Variants in PNPLA7 observed in about 807,000 individuals in gnomAD.
The protein encoded by PNPLA7 is patatin-like phospholipase domain-containing protein 7.
PNPLA7 carries 153 observed loss-of-function variants against 161.7 expected under a neutral mutation model. The observed-to-expected ratio is 0.95, with a 90% CI of 0.83 to 1.08. The LOEUF (loss-of-function observed/expected upper bound fraction) is 1.08. Ranked by LOEUF, PNPLA7 falls within the 50% of genes least tolerant of loss-of-function variation. PNPLA7 has a pLI of 0.00. For missense variants in PNPLA7, 1,739 were observed against 1,856.6 expected (o/e 0.94, Z 1.16); for synonymous variants, 809 against 782.1 (o/e 1.03, Z -0.57).
intron 20 of PNPLA7, 84 bp downstream of exon 20, chr9:137,492,929 G>T: frequency 8.1e-7 from 1 of 1,242,156 alleles, no homozygotes; most frequent in Non-Finnish European, 1.1e-6. Flanking sequence ...TGGGCTGGGA[G>T]GGCGGGGCCA....
intron 8 of PNPLA7, among the ~76,000 whole-genome samples, chr9:137,530,512 G>A (rs1564358876): frequency 1.3e-5 from 2 of 152,288 alleles, no homozygotes; most frequent in African/African-American, 2.4e-5. Context: ...AGAAGAAAAC[G>A]AAAAAGCAGG....
At chr9:137,526,614 A>G (rs577974556) in intron 8 of PNPLA7, among the ~76,000 whole-genome samples, 1 of 152,252 alleles carries the variant, frequency 6.6e-6, no homozygotes, top group Non-Finnish European at 1.5e-5. Context: ...GAATTGTTCT[A>G]GAATATTGAA....
intron 10 of PNPLA7, 65 bp downstream of exon 10, chr9:137,521,571 C>A (rs1276506778): frequency 7.1e-6 from 11 of 1,547,256 alleles, no homozygotes; most frequent in Admixed American, 5.3e-5. Context: ...CCGTGCCAAC[C>A]AATAGCTGTC....
chr9:137,498,081 T>C (rs1256819062), intron 17 of PNPLA7, 33 bp downstream of exon 17: 2 of 1,599,366 alleles, frequency 1.3e-6, no homozygotes, highest in Non-Finnish European at 8.6e-7. Flanking sequence ...CAGGGCAGCA[T>C]GGATGCGGAG....
At chr9:137,504,188 A>G (rs960392864) in intron 14 of PNPLA7, among the ~76,000 whole-genome samples, 3 of 106,744 alleles carry the variant, frequency 2.8e-5, no homozygotes, top group Admixed American at 2.5e-4. Flanking sequence ...GGAAGAAGGA[A>G]GAAGAAGAGG....
intron 20 of PNPLA7, among the ~76,000 whole-genome samples, chr9:137,485,056 C>T (rs1832405728): frequency 6.6e-6 from 1 of 152,228 alleles, no homozygotes; most frequent in Non-Finnish European, 1.5e-5. Flanking sequence ...ATGTGGCTGC[C>T]TAGGCCTCAC....
At position 137,462,304 on chromosome 9, in the gene PNPLA7, G is replaced by A. The variant is rs201477042; in HGVS notation, c.3520C>T (p.Arg1174Cys). 4.3e-6 allele frequency: 7 copies of A among 1,609,608 alleles called. No individual in the cohort carries two copies. The highest frequency in any genetic ancestry group is 1.7e-4 in the Middle Eastern group (1 of 6,040). ...CGCACGCAACACACGTAGGCCAGGC[G>A]CGTCTGAATCTCTGCCATGTTCAAC... ...KVLNMAEIQT[R>C]LAYVCCVRQL... The change falls in exon 31 of 35, where the codon CGC becomes TGC. Residue 1174 changes from arginine to cysteine, a missense_variant. Arg to Cys is a radical substitution (Grantham distance 180). Transcript: ENST00000406427.
At chr9:137,508,384 G>A (rs1461228786) in intron 12 of PNPLA7, among the ~76,000 whole-genome samples, 2 of 151,756 alleles carry the variant, frequency 1.3e-5, no homozygotes, top group Non-Finnish European at 2.9e-5. Context: ...TGGCTAACAC[G>A]GTGAAACCCC....
rs939431056 is a variant in PNPLA7, at chr9:137,499,170, G to A, written c.1758-925C>T. Among the ~76,000 whole-genome samples, 1 of 146,614 alleles carries A rather than the reference G, an allele frequency of 6.8e-6. No individual in the cohort carries two copies. The highest frequency in any genetic ancestry group is 2.5e-5 in the African/African-American group (1 of 39,466). On this transcript the variant is annotated intron_variant, in intron 16 of 34. Coordinates refer to ENST00000406427, the MANE Select transcript of PNPLA7 (RefSeq NM_001098537.3). This position sits in a 1 kb window ranked among gnomAD's most constrained non-coding sequence, Gnocchi z 5.5. ...GAGACAGAGACACTCGCAGACACAC[G>A]GACACACGGAGACACACGGACACAG...
At chr9:137,535,949 G>C (rs1163689631) in intron 8 of PNPLA7, among the ~76,000 whole-genome samples, 1 of 151,704 alleles carries the variant, frequency 6.6e-6, no homozygotes. Context: ...TCAGGAGATC[G>C]AGACCATCCT....
At chr9:137,517,239 T>C (rs62644214) in intron 11 of PNPLA7, among the ~76,000 whole-genome samples, 17 of 38,254 alleles carry the variant, frequency 4.4e-4, no homozygotes, top group South Asian at 2.3e-3. Flanking sequence ...ACTCCATCCC[T>C]CACTCACTCA....
rs201780927 is a variant in PNPLA7 at position 137,480,348 on chromosome 9, G to A, written c.2544C>T (p.Ile848=). ...RCVRQADCIL[I]VGLGDQEPTV... ...TGGGCTCCTGGTCACCCAGGCCCAC[G>A]ATGAGGATGCAGTCGGCCTGGCGCA... The change falls in exon 23 of 35, where the codon ATC becomes ATT. Residue 848 remains isoleucine (I), a synonymous_variant. Coordinates refer to ENST00000406427, the MANE Select transcript of PNPLA7 (RefSeq NM_001098537.3). 6.9e-5 allele frequency: 112 copies of A among 1,613,328 alleles called. 2 individuals are homozygous for A. Among genetic ancestry groups the A allele is most frequent in the Admixed American group, 5.7e-4 (34 of 60,016 alleles).
intron 15 of PNPLA7, 26 bp downstream of exon 15, chr9:137,501,624 G>A: frequency 6.2e-7 from 1 of 1,603,814 alleles, no homozygotes; most frequent in Non-Finnish European, 8.5e-7. Flanking sequence ...GGTGGTCCCA[G>A]TGCCCCCCCC....
chr9:137,471,327 A>G (rs760149128), intron 25 of PNPLA7, among the ~76,000 whole-genome samples: 1 of 152,232 alleles, frequency 6.6e-6, no homozygotes, highest in Non-Finnish European at 1.5e-5. Flanking sequence ...ATGGCCGGGC[A>G]CAGTGGCTCA....
chr9:137,492,960 C>G, intron 20 of PNPLA7, 53 bp downstream of exon 20: 1 of 1,564,942 alleles, frequency 6.4e-7, no homozygotes, highest in Admixed American at 1.7e-5. Context: ...GGGCGGGGCT[C>G]CAGGACTGGG....
chr9:137,532,168 G>A (rs751484456), intron 8 of PNPLA7, among the ~76,000 whole-genome samples: 1 of 152,258 alleles, frequency 6.6e-6, no homozygotes, highest in South Asian at 2.1e-4. Context: ...CAGGCACGGT[G>A]GTTCACACCT....
At position 137,541,607 on chromosome 9, in the gene PNPLA7, G is replaced by T; in HGVS notation, c.667-885C>A. The T allele has an allele frequency of 1.8e-6, 1 of 541,744 alleles. No individual in the cohort carries two copies. Among genetic ancestry groups the T allele is most frequent in the Non-Finnish European group, 2.4e-6 (1 of 424,114 alleles). 33.6% of individuals were successfully genotyped at this position (541,744 alleles called of 1,614,324 possible). A position where few individuals can be genotyped will look rare whatever the true frequency, so the allele number is the denominator to read the frequency against. ...TTTAAATGAGAACAAGCAATGGGAA[G>T]TCTGGGTCGCAAACTGCCCAGACAG... On this transcript the variant is annotated intron_variant, in intron 7 of 34. Coordinates refer to ENST00000406427, the MANE Select transcript of PNPLA7 (RefSeq NM_001098537.3). This position sits in a 1 kb window ranked among gnomAD's most constrained non-coding sequence, Gnocchi z 4.4.
intron 11 of PNPLA7, chr9:137,516,582 G>A (rs1434878077): frequency 2.1e-6 from 2 of 953,572 alleles, no homozygotes; most frequent in African/African-American, 1.8e-5. Context: ...GCCAAGGTGG[G>A]AGGATCACTT....
At position 137,500,617 on chromosome 9, in the gene PNPLA7, C is replaced by T. The variant is rs1833340163; in HGVS notation, c.1757+74G>A. 13 of 1,411,020 alleles carry T rather than the reference C, an allele frequency of 9.2e-6. No individual in the cohort carries two copies. The highest frequency in any genetic ancestry group is 1.3e-5 in the Non-Finnish European group (13 of 1,021,456). The allele number at this position is 1,411,020 out of a possible 1,614,324, so 87.4% of individuals were successfully genotyped here. On this transcript the variant is annotated intron_variant, in intron 16 of 34. Coordinates refer to ENST00000406427, the MANE Select transcript of PNPLA7 (RefSeq NM_001098537.3). The surrounding 1 kb of genome is among the most constrained non-coding windows in gnomAD (Gnocchi z 5.5). ...AGAGGGTGAGAGCACCAGGAAGAGGCCGGCCACGCGGGGAGGGGTCTCAGG... is the reference window on the plus strand; with the variant it reads ...AGAGGGTGAGAGCACCAGGAAGAGGTCGGCCACGCGGGGAGGGGTCTCAGG...
Sources: allele counts gnomAD v4.1 joint callset (sites outside exome capture counted in the v4.1 genomes callset), GRCh38; gene constraint gnomAD v4.1.1; non-coding constraint Gnocchi (gnomAD v3.1); transcripts MANE v1.5; gene names NCBI Gene and HGNC (gene_info 2026-07-23, HGNC 2026-07-21).